OSBPL6: variants seen among roughly 807,000 people sequenced by gnomAD.
OSBPL6 encodes oxysterol binding protein like 6, also known as oxysterol-binding protein-related protein 6.
OSBPL6 carries 49 observed loss-of-function variants against 125.8 expected under a neutral mutation model. The ratio of observed to expected loss-of-function variants is 0.39; its 90% confidence interval spans 0.31 to 0.49. The LOEUF (loss-of-function observed/expected upper bound fraction) is 0.49. Among genes scored for constraint, OSBPL6 ranks in the 20% least tolerant of loss-of-function variants. The probability of loss-of-function intolerance (pLI) is 0.88; values close to 1 mark genes in which losing one functional copy is unlikely to be tolerated. For synonymous variants in OSBPL6, 394 were observed against 391.8 expected (o/e 1.01, Z -0.07); for missense variants, 986 against 1,135.4 (o/e 0.87, Z 1.89).
intron 1 of OSBPL6, among the ~76,000 whole-genome samples, chr2:178,234,223 A>G (rs2153983577): frequency 6.6e-6 from 1 of 152,346 alleles, no homozygotes; most frequent in East Asian, 1.9e-4. Flanking sequence ...TGACAACAAC[A>G]TCAACTTTTG....
At chr2:178,198,927 A>G (rs569851466) in intron 1 of OSBPL6, among the ~76,000 whole-genome samples, 2 of 152,366 alleles carry the variant, frequency 1.3e-5, no homozygotes, top group South Asian at 4.1e-4. Flanking sequence ...TCAAGTATTA[A>G]GCATTCAAAT....
chr2:178,377,935 T>C (rs751068200), intron 15 of OSBPL6, among the ~76,000 whole-genome samples: 6 of 152,150 alleles, frequency 3.9e-5, no homozygotes, highest in African/African-American at 1.2e-4. Context: ...TTCAAGCAAG[T>C]CTCCTGCCTC....
At position 178,379,333 on chromosome 2, in the gene OSBPL6, AGGGAGGGAGGGAGGGAGGGAGG is replaced by A. The variant is rs1694224803; in HGVS notation, c.1534-3084_1534-3063del. On this transcript the variant is annotated intron_variant, in intron 15 of 24. Transcript: ENST00000190611. ...AAACAGGAAGGAAGGAAGGAAAGGAAGGGAGGGAGGGAGGGAGGGAGGGGAAGGAAGGAAAGGGAGGGAGGAA... is the reference window on the plus strand; with the variant it reads ...AAACAGGAAGGAAGGAAGGAAAGGAAGGAAGGAAGGAAAGGGAGGGAGGAA... Among the ~76,000 whole-genome samples, 9 of 48,758 alleles carry A rather than the reference AGGGAGGGAGGGAGGGAGGGAGG, an allele frequency of 1.8e-4. No homozygotes were observed. The East Asian group carries it at 0.018, about 99-fold the overall frequency. 32.0% of individuals were successfully genotyped at this position (48,758 alleles called of 152,430 possible).
At chr2:178,366,543 A>G (rs2154101650) in intron 13 of OSBPL6, among the ~76,000 whole-genome samples, 1 of 152,358 alleles carries the variant, frequency 6.6e-6, no homozygotes, top group Non-Finnish European at 1.5e-5. Flanking sequence ...CACTGCTGTC[A>G]ATTGAACTGA....
At chr2:178,373,720 C>T (rs1449030612) in intron 14 of OSBPL6, among the ~76,000 whole-genome samples, 170 bp from the exon 15 acceptor site, 1 of 152,146 alleles carries the variant, frequency 6.6e-6, no homozygotes, top group Non-Finnish European at 1.5e-5. Flanking sequence ...TCTTTAGACA[C>T]ATTGGAAGGA....
At chr2:178,263,781 C>A (rs999514783) in intron 1 of OSBPL6, among the ~76,000 whole-genome samples, 1 of 149,500 alleles carries the variant, frequency 6.7e-6, no homozygotes, top group Non-Finnish European at 1.5e-5. Context: ...GTCTGAGGAC[C>A]GGCAGAGACA....
chr2:178,327,707 TGTGTCTTTGGTGAGCAG>T (rs1169100178), intron 4 of OSBPL6, among the ~76,000 whole-genome samples: 3 of 152,100 alleles, frequency 2.0e-5, no homozygotes, highest in Non-Finnish European at 4.4e-5. Flanking sequence ...AGTTCTTTGG[TGTGTCTTTGGTGAGCAG>T]GTGTCTTATG....
At chr2:178,314,763 C>A (rs1687589381) in intron 3 of OSBPL6, among the ~76,000 whole-genome samples, 1 of 152,090 alleles carries the variant, frequency 6.6e-6, no homozygotes. Context: ...AAAGTGTGGC[C>A]AAAGTGGTGA....
At chr2:178,250,487 G>C (rs190098341) in intron 1 of OSBPL6, among the ~76,000 whole-genome samples, 3 of 152,134 alleles carry the variant, frequency 2.0e-5, no homozygotes, top group Admixed American at 2.0e-4. Context: ...CCTTTCCTAA[G>C]CCTGCCAGTG....
chr2:178,203,397 G>T (rs1449227005), intron 1 of OSBPL6, among the ~76,000 whole-genome samples: 2 of 152,112 alleles, frequency 1.3e-5, no homozygotes, highest in African/African-American at 4.8e-5. Context: ...CTCATCCAAG[G>T]ATATATTTTT....
chr2:178,213,216 T>C (rs1036429607), intron 1 of OSBPL6, among the ~76,000 whole-genome samples: 1 of 152,038 alleles, frequency 6.6e-6, no homozygotes, highest in Non-Finnish European at 1.5e-5. Flanking sequence ...TCTCACTCCA[T>C]ACTGCCTCCC....
intron 4 of OSBPL6, among the ~76,000 whole-genome samples, 171 bp downstream of exon 4, chr2:178,324,440 A>G (rs79490863): frequency 1.2e-3 from 179 of 152,340 alleles, no homozygotes; most frequent in African/African-American, 4.2e-3. Flanking sequence ...TGCCCTTTAT[A>G]AGAGAGAACA....
At position 178,333,278 on chromosome 2, in the gene OSBPL6, G is replaced by A. The variant is rs539163616; in HGVS notation, c.657+237G>A. ...TGCATAGCTGTAATCCCAGGTACTC[G>A]GGAGGCTGAAGCACGAAAATTGCTT... On this transcript the variant is annotated intron_variant, in intron 8 of 24. Coordinates refer to ENST00000190611, the MANE Select transcript of OSBPL6 (RefSeq NM_032523.4). Among the ~76,000 whole-genome samples, 10 of 152,248 alleles carry A rather than the reference G, an allele frequency of 6.6e-5. No homozygotes were observed. In the South Asian group the frequency reaches 1.5e-3, roughly 22 times the overall value.
intron 14 of OSBPL6, 38 bp from the exon 15 acceptor site, chr2:178,373,852 A>G (rs747380299): frequency 2.5e-6 from 4 of 1,609,778 alleles, no homozygotes; most frequent in Non-Finnish European, 3.4e-6. Flanking sequence ...TCTAACAGGG[A>G]GAAAAGCAAT....
intron 1 of OSBPL6, among the ~76,000 whole-genome samples, chr2:178,195,158 G>A (rs1424748203): frequency 6.6e-6 from 1 of 152,198 alleles, no homozygotes; most frequent in Non-Finnish European, 1.5e-5. Flanking sequence ...CACCTTTCAG[G>A]GAATCGGGGA....
At chr2:178,203,546 T>C (rs75666411) in intron 1 of OSBPL6, among the ~76,000 whole-genome samples, 4,074 of 152,302 alleles carry the variant, frequency 0.027, 186 homozygotes, top group African/African-American at 0.091. Flanking sequence ...AATTCTAATC[T>C]TTGTGACAGC....
intron 1 of OSBPL6, among the ~76,000 whole-genome samples, chr2:178,239,843 G>C (rs965364142): frequency 6.6e-6 from 1 of 151,574 alleles, no homozygotes; most frequent in African/African-American, 2.4e-5. Context: ...TAGTCAGGAT[G>C]GTCTCGATTT....
chr2:178,402,846 T>C lies in OSBPL6; in HGVS notation c.*7287T>C, dbSNP rs1344677339. ...CAATGAATGTTGTATATGAGAATGT[T>C]ACATTTGTAACAGCACAGGAAACTC... On this transcript the variant is annotated 3_prime_UTR_variant, in exon 25 of 25. Transcript: ENST00000190611. The C allele has an allele frequency of 6.6e-6, 1 of 152,232 alleles. No individual in the cohort carries two copies. Among genetic ancestry groups the C allele is most frequent in the Non-Finnish European group, 1.5e-5 (1 of 68,034 alleles). The allele number at this position is 152,232 out of a possible 1,614,324, so 9.4% of individuals were successfully genotyped here.
intron 12 of OSBPL6, among the ~76,000 whole-genome samples, chr2:178,358,072 G>C (rs1393788476): frequency 6.6e-6 from 1 of 152,088 alleles, no homozygotes; most frequent in Non-Finnish European, 1.5e-5. Flanking sequence ...TCACACGCTG[G>C]GGCCTGTCCA....
Sources: allele counts gnomAD v4.1 joint callset (sites outside exome capture counted in the v4.1 genomes callset), GRCh38; gene constraint gnomAD v4.1.1; transcripts MANE v1.5; gene names NCBI Gene and HGNC (gene_info 2026-07-23, HGNC 2026-07-21).